Variants in INPP4B observed in about 807,000 individuals in gnomAD.
INPP4B encodes inositol polyphosphate-4-phosphatase type II B.
INPP4B carries 55 observed loss-of-function variants against 122.5 expected under a neutral mutation model. That is an observed-to-expected ratio of 0.45 (90% CI 0.36 to 0.56). INPP4B has a LOEUF of 0.56. INPP4B is among the 20% of genes least tolerant of loss of function. INPP4B has a pLI of 0.00. For missense variants in INPP4B, 1,000 were observed against 1,097.7 expected (o/e 0.91, Z 1.26); for synonymous variants, 403 against 388.7 (o/e 1.04, Z -0.43).
intron 2 of INPP4B, among the ~76,000 whole-genome samples, chr4:142,470,972 G>A (rs989290331): frequency 4.6e-5 from 7 of 152,126 alleles, no homozygotes; most frequent in Non-Finnish European, 2.9e-5. Context: ...TTAAAAAGAC[G>A]TTAATGAAGA....
intron 7 of INPP4B, among the ~76,000 whole-genome samples, chr4:142,348,982 T>A (rs76920280): frequency 0.024 from 3,682 of 152,098 alleles, 160 homozygotes; most frequent in African/African-American, 0.084. Context: ...TTGGAGCAGA[T>A]GTTAGTTTTC....
chr4:142,489,052 T>G (rs1329927359), intron 2 of INPP4B, among the ~76,000 whole-genome samples: 3 of 152,172 alleles, frequency 2.0e-5, no homozygotes, highest in Non-Finnish European at 4.4e-5. Context: ...AATATCTATG[T>G]GTTAATTTTT....
chr4:142,391,782 C>T (rs1362526851), intron 7 of INPP4B, among the ~76,000 whole-genome samples: 6 of 151,958 alleles, frequency 3.9e-5, no homozygotes, highest in African/African-American at 1.5e-4. Flanking sequence ...AGTTTATAAC[C>T]AATGTTTGGT....
At chr4:142,299,589 T>TTTTCCATCCATGC (rs1270932235) in intron 9 of INPP4B, among the ~76,000 whole-genome samples, 1 of 152,020 alleles carries the variant, frequency 6.6e-6, no homozygotes, top group Non-Finnish European at 1.5e-5. Context: ...TTCCTCTAAT[T>TTTTCCATCCATGC]TTTCCATCCA....
chr4:142,105,904 C>T (rs1786831300), intron 23 of INPP4B, among the ~76,000 whole-genome samples: 1 of 152,174 alleles, frequency 6.6e-6, no homozygotes, highest in South Asian at 2.1e-4. Context: ...GGCCTAACCT[C>T]TACTCATACT....
At chr4:142,522,391 A>AAGTGGTT (rs1826209098) in intron 2 of INPP4B, among the ~76,000 whole-genome samples, 1 of 127,020 alleles carries the variant, frequency 7.9e-6, no homozygotes, top group African/African-American at 3.0e-5. Flanking sequence ...GGCTGGAGTG[A>AAGTGGTT]AGTGGTTATT....
At chr4:142,276,343 T>C (rs1306580931) in intron 9 of INPP4B, among the ~76,000 whole-genome samples, 1 of 151,890 alleles carries the variant, frequency 6.6e-6, no homozygotes, top group Non-Finnish European at 1.5e-5. Context: ...TAGCCTGTCT[T>C]TCAAGTCTTT....
intron 7 of INPP4B, among the ~76,000 whole-genome samples, chr4:142,318,220 G>C (rs9654255): frequency 6.6e-6 from 1 of 151,960 alleles, no homozygotes; most frequent in Non-Finnish European, 1.5e-5. Flanking sequence ...AGAAAGAAAT[G>C]GGGGGAAGAG....
At chr4:142,536,531 G>A (rs1220701567) in intron 2 of INPP4B, among the ~76,000 whole-genome samples, 1 of 152,126 alleles carries the variant, frequency 6.6e-6, no homozygotes, top group Non-Finnish European at 1.5e-5. Flanking sequence ...TAGCAAAATT[G>A]TTATTTTCTC....
chr4:142,338,234 CTTTATTTTAT>C (rs36205368), intron 7 of INPP4B, among the ~76,000 whole-genome samples: 1 of 151,666 alleles, frequency 6.6e-6, no homozygotes, highest in Non-Finnish European at 1.5e-5. Flanking sequence ...TACTTGGCAA[CTTTATTTTAT>C]TTTATTTTTC....
chr4:142,421,693 C>T (rs1032044037), intron 5 of INPP4B, among the ~76,000 whole-genome samples: 10 of 152,012 alleles, frequency 6.6e-5, no homozygotes, highest in Non-Finnish European at 1.3e-4. Context: ...TTTTCTATTT[C>T]GTTTTTCTGA....
chr4:142,070,447 C>G (rs1183218874), intron 25 of INPP4B, among the ~76,000 whole-genome samples: 1 of 152,176 alleles, frequency 6.6e-6, no homozygotes, highest in Non-Finnish European at 1.5e-5. Context: ...TGCCCTCTTT[C>G]ACCATTCCTC....
intron 1 of INPP4B, among the ~76,000 whole-genome samples, chr4:142,836,188 CT>C (rs1163543098): frequency 3.9e-5 from 6 of 152,192 alleles, no homozygotes; most frequent in African/African-American, 1.2e-4. Flanking sequence ...CAATTGAAAT[CT>C]AAAAATATTT....
chr4:142,097,955 C>G (rs565219712), intron 23 of INPP4B, among the ~76,000 whole-genome samples: 2 of 152,162 alleles, frequency 1.3e-5, no homozygotes, highest in East Asian at 3.9e-4. Context: ...GGTAAGGAGT[C>G]CTGTCAAATA....
intron 6 of INPP4B, among the ~76,000 whole-genome samples, chr4:142,404,925 T>G (rs949462908): frequency 2.1e-5 from 3 of 141,932 alleles, no homozygotes; most frequent in African/African-American, 9.4e-5. Context: ...GGGAGAAAAA[T>G]AAACTCTTTG....
At chr4:142,082,857 C>A (rs142303010) in intron 24 of INPP4B, among the ~76,000 whole-genome samples, 1 of 152,120 alleles carries the variant, frequency 6.6e-6, no homozygotes, top group African/African-American at 2.4e-5. Context: ...CCGGGCACAG[C>A]GGCTCATGCC....
chr4:142,327,391 C>T (rs1772779367), intron 7 of INPP4B, among the ~76,000 whole-genome samples: 1 of 151,406 alleles, frequency 6.6e-6, no homozygotes, highest in African/African-American at 2.4e-5. Flanking sequence ...ACCCCCCATA[C>T]AAATTAATTG....
chr4:142,238,337 T>C (rs1251244788), intron 11 of INPP4B, among the ~76,000 whole-genome samples: 2 of 152,102 alleles, frequency 1.3e-5, no homozygotes, highest in Non-Finnish European at 2.9e-5. Context: ...TTACTACCTA[T>C]TGATTCTTCT....
At chr4:142,794,901 G>GGT (rs1049491045) in intron 1 of INPP4B, among the ~76,000 whole-genome samples, 1 of 151,314 alleles carries the variant, frequency 6.6e-6, no homozygotes, top group African/African-American at 2.4e-5. Flanking sequence ...ACAAATCCTA[G>GGT]GTGTGTGTGT....
Sources: allele counts gnomAD v4.1 joint callset (sites outside exome capture counted in the v4.1 genomes callset), GRCh38; gene constraint gnomAD v4.1.1; transcripts MANE v1.5; gene names NCBI Gene and HGNC (gene_info 2026-07-23, HGNC 2026-07-21).